The following ASIC2 variants were observed in gnomAD, a reference collection of about 807,000 sequenced individuals.
ASIC2 encodes acid-sensing ion channel 2.
ASIC2 carries 25 observed loss-of-function variants against 57.3 expected under a neutral mutation model. The observed-to-expected ratio is 0.44, with a 90% CI of 0.32 to 0.61. The LOEUF (loss-of-function observed/expected upper bound fraction) is 0.61, where lower values mean the gene tolerates loss of function less well. Among genes scored for constraint, ASIC2 ranks in the 20% least tolerant of loss-of-function variants. The probability of loss-of-function intolerance (pLI) is 0.06; values close to 1 mark genes in which losing one functional copy is unlikely to be tolerated. For synonymous variants in ASIC2, 319 were observed against 307.5 expected (o/e 1.04, Z -0.39); for missense variants, 641 against 738.1 (o/e 0.87, Z 1.52).
intron 2 of ASIC2, among the ~76,000 whole-genome samples, chr17:33,101,216 C>A (rs551980963): frequency 2.6e-5 from 4 of 152,338 alleles, no homozygotes; most frequent in Admixed American, 2.0e-4. Context: ...GAAACCATAG[C>A]AACCATCATC....
intron 1 of ASIC2, among the ~76,000 whole-genome samples, chr17:33,979,371 G>T (rs1024480773): frequency 6.6e-6 from 1 of 152,106 alleles, no homozygotes; most frequent in South Asian, 2.1e-4. Context: ...GAGTGAGGCC[G>T]TCAGAAACCC....
At chr17:33,365,258 C>T (rs1013019208) in intron 1 of ASIC2, among the ~76,000 whole-genome samples, 2 of 152,174 alleles carry the variant, frequency 1.3e-5, no homozygotes, top group African/African-American at 2.4e-5. Flanking sequence ...CTGAAGTGTT[C>T]CTCTGTGCTC....
intron 1 of ASIC2, among the ~76,000 whole-genome samples, chr17:33,820,172 A>G (rs1912703754): frequency 6.6e-6 from 1 of 152,198 alleles, no homozygotes; most frequent in Non-Finnish European, 1.5e-5. Flanking sequence ...ATTTAAATTT[A>G]AAAAGTCTTA....
intron 1 of ASIC2, among the ~76,000 whole-genome samples, chr17:34,074,342 T>C (rs931401883): frequency 1.3e-5 from 2 of 152,192 alleles, no homozygotes; most frequent in African/African-American, 4.8e-5. Flanking sequence ...ATCTAGTTAT[T>C]ATTGCCCTTT....
At chr17:33,920,165 T>C (rs1881266781) in intron 1 of ASIC2, among the ~76,000 whole-genome samples, 1 of 151,920 alleles carries the variant, frequency 6.6e-6, no homozygotes, top group Non-Finnish European at 1.5e-5. Flanking sequence ...TGGGTATATA[T>C]CCAAATGAAA....
At chr17:33,604,007 A>G (rs575713987) in intron 1 of ASIC2, among the ~76,000 whole-genome samples, 117 of 152,264 alleles carry the variant, frequency 7.7e-4, no homozygotes, top group Non-Finnish European at 1.2e-3. Flanking sequence ...CCCACATCCC[A>G]TTGGCTGGAA....
chr17:33,772,490 C>T (rs568673850), intron 1 of ASIC2, among the ~76,000 whole-genome samples: 1 of 152,312 alleles, frequency 6.6e-6, no homozygotes, highest in Admixed American at 6.5e-5. Context: ...CTTTTCTCCT[C>T]TTCACCAATC....
At chr17:33,575,454 C>T (rs957094766) in intron 1 of ASIC2, among the ~76,000 whole-genome samples, 2 of 152,146 alleles carry the variant, frequency 1.3e-5, no homozygotes, top group African/African-American at 4.8e-5. Context: ...TAAATAATAA[C>T]ACCCAGGAAG....
At chr17:33,761,404 A>G (rs1047728472) in intron 1 of ASIC2, among the ~76,000 whole-genome samples, 9 of 152,132 alleles carry the variant, frequency 5.9e-5, no homozygotes, top group Non-Finnish European at 1.3e-4. Context: ...CCCTCAACAC[A>G]GGGATGGGAT....
chr17:33,124,765 T>C (rs2092316749), intron 1 of ASIC2, among the ~76,000 whole-genome samples: 1 of 152,218 alleles, frequency 6.6e-6, no homozygotes, highest in African/African-American at 2.4e-5. Context: ...TTTATTTCTA[T>C]TATTATTACA....
chr17:34,055,998 C>G (rs141276076), intron 1 of ASIC2, among the ~76,000 whole-genome samples: 11 of 152,152 alleles, frequency 7.2e-5, no homozygotes, highest in African/African-American at 2.7e-4. Flanking sequence ...AGAAAAGAGA[C>G]TAGGATGACT....
chr17:34,094,805 C>T (rs954826713), intron 1 of ASIC2, among the ~76,000 whole-genome samples: 1 of 152,058 alleles, frequency 6.6e-6, no homozygotes, highest in East Asian at 1.9e-4. Context: ...AATATTAAAC[C>T]CCTACTGCAT....
intron 1 of ASIC2, among the ~76,000 whole-genome samples, chr17:33,661,206 A>T (rs1434339262): frequency 6.6e-6 from 1 of 152,184 alleles, no homozygotes; most frequent in African/African-American, 2.4e-5. Flanking sequence ...CTCCAAGAGC[A>T]AGCACCCTGT....
chr17:33,398,721 A>G lies in ASIC2; in HGVS notation c.556-286654T>C, dbSNP rs144668325. Among the ~76,000 whole-genome samples, 82 of 152,288 alleles carry G rather than the reference A, an allele frequency of 5.4e-4. 3 individuals carry two copies. The East Asian group carries it at 0.015, about 29-fold the overall frequency. ...TCATTTTCACTTTGGTCTTCACAAA[A>G]TCCTTCAGAGCTAGCAGCAGTCAAC... On this transcript the variant is annotated intron_variant, in intron 1 of 9. Transcript: ENST00000359872.
At chr17:33,780,840 G>A (rs760167034) in intron 1 of ASIC2, among the ~76,000 whole-genome samples, 7 of 152,164 alleles carry the variant, frequency 4.6e-5, no homozygotes, top group Non-Finnish European at 8.8e-5. Flanking sequence ...AAGTGCTTTT[G>A]TGTCACTCAG....
chr17:33,612,503 A>C (rs940546213), intron 1 of ASIC2, among the ~76,000 whole-genome samples: 1 of 152,230 alleles, frequency 6.6e-6, no homozygotes, highest in Admixed American at 6.5e-5. Context: ...AGAGGTACCT[A>C]TTCTGGGTTT....
At chr17:33,834,951 G>A (rs1483224396) in intron 1 of ASIC2, among the ~76,000 whole-genome samples, 3 of 151,982 alleles carry the variant, frequency 2.0e-5, no homozygotes, top group Non-Finnish European at 4.4e-5. Context: ...AGGAAAAGGG[G>A]GTAAAATAAA....
At chr17:33,639,535 A>G (rs1906484879) in intron 1 of ASIC2, among the ~76,000 whole-genome samples, 2 of 152,164 alleles carry the variant, frequency 1.3e-5, no homozygotes. Context: ...CTTAGTGACC[A>G]TGAAATTCTC....
At chr17:33,899,131 A>G (rs1359009000) in intron 1 of ASIC2, among the ~76,000 whole-genome samples, 2 of 15,044 alleles carry the variant, frequency 1.3e-4, no homozygotes, top group Non-Finnish European at 3.2e-4. Context: ...CCATCTCAGG[A>G]AAAAAAAAAA....
Sources: gnomAD v4.1 joint callset for allele counts (sites outside exome capture counted in the v4.1 genomes callset) on GRCh38, gnomAD v4.1.1 for gene constraint, MANE v1.5 for transcripts, NCBI Gene and HGNC (gene_info 2026-07-23, HGNC 2026-07-21) for gene names.